The following QPCTL variants were observed in gnomAD, a reference collection of about 807,000 sequenced individuals.
QPCTL encodes the protein glutaminyl-peptide cyclotransferase like.
Under a neutral mutation model 34.6 loss-of-function variants are expected in QPCTL, and 31 were observed. That is an observed-to-expected ratio of 0.90 (90% CI 0.67 to 1.21). The LOEUF is 1.21. Among genes scored for constraint, QPCTL ranks in the 50% most tolerant of loss-of-function variants. The pLI is 0.00. For missense variants in QPCTL, 474 were observed against 507.8 expected, an observed-to-expected ratio of 0.93 and a Z score of 0.64; for synonymous variants, 223 against 226.9, an observed-to-expected ratio of 0.98 and a Z score of 0.15.
Position 45,701,921 on chromosome 19 carries a change from G to A in QPCTL, c.1003+7G>A, listed in dbSNP as rs1183250043. 7 of 1,601,186 alleles carry A rather than the reference G, an allele frequency of 4.4e-6. No individual in the cohort carries two copies. In the South Asian group the frequency reaches 5.5e-5, roughly 13 times the overall value. ...ATCCCCTTCCTCCGCAGAGGTACCA[G>A]CTGCAGGGAGGGATGGAGGGTGGGT... On this transcript the variant is annotated splice_region_variant and intron_variant, in intron 6 of 6. Transcript: ENST00000012049.
intron 1 of QPCTL, 136 bp from the exon 2 acceptor site, chr19:45,693,277 C>G: frequency 8.1e-7 from 1 of 1,232,694 alleles, no homozygotes; most frequent in Non-Finnish European, 1.1e-6. Context: ...TGGATTTATC[C>G]TAGAAGTCTC....
At chr19:45,700,830 G>T (rs1336229361) in intron 5 of QPCTL, among the ~76,000 whole-genome samples, 5 of 151,880 alleles carry the variant, frequency 3.3e-5, no homozygotes, top group Admixed American at 1.3e-4. Context: ...GTGGTGGTGG[G>T]CGCCTGTACT....
chr19:45,695,642 A>T lies in QPCTL; in HGVS notation c.557A>T (p.Asp186Val). 1 of 1,613,942 alleles carries T rather than the reference A, an allele frequency of 6.2e-7. No individual in the cohort carries two copies. ...TCGACCCCCTTTGTAGGGGCCACGG[A>T]TTCGGCTGTGCCCTGTGCCCTGCTG... Reference protein sequence around the residue: ...PGSTPFVGATDSAVPCALLLE... With the variant: ...PGSTPFVGATVSAVPCALLLE... The change falls in exon 3 of 7, where the codon GAT becomes GTT. Residue 186 changes from aspartate (D) to valine (V), a missense_variant. By Grantham distance (152) the Asp-to-Val change is radical. Coordinates refer to ENST00000012049, the MANE Select transcript of QPCTL (RefSeq NM_017659.4).
chr19:45,693,701 C>G, intron 2 of QPCTL, 145 bp downstream of exon 2: 2 of 1,209,646 alleles, frequency 1.7e-6, no homozygotes, highest in Non-Finnish European at 2.2e-6. Context: ...ATGCTGGTAA[C>G]AAACCACCAG....
intron 4 of QPCTL, 31 bp from the exon 5 acceptor site, chr19:45,698,770 G>A (rs377497455): frequency 6.2e-6 from 10 of 1,613,280 alleles, no homozygotes; most frequent in African/African-American, 4.0e-5. Flanking sequence ...CATCCTGCAC[G>A]GGCCCCTCCA....
rs746073023 is a variant in QPCTL at position 45,698,750 on chromosome 19, G to C, written c.786+51G>C. On this transcript the variant is annotated intron_variant, in intron 4 of 6. Coordinates refer to ENST00000012049, the MANE Select transcript of QPCTL (RefSeq NM_017659.4). ...GGCGAGGGAGGGAGCAGGTTAAGCA[G>C]GGCTGGCGTCATCCTGCACGGGCCC... 9 of 1,613,648 alleles carry C rather than the reference G, an allele frequency of 5.6e-6. 1 individual carries two copies. In the South Asian group the frequency reaches 8.8e-5, roughly 16 times the overall value.
intron 1 of QPCTL, 88 bp downstream of exon 1, chr19:45,692,998 C>T: frequency 7.4e-7 from 1 of 1,342,568 alleles, no homozygotes; most frequent in South Asian, 1.4e-5. Flanking sequence ...AGCGTACGGC[C>T]CTAACCGCAG....
intron 2 of QPCTL, among the ~76,000 whole-genome samples, chr19:45,694,022 A>G (rs1163248273): frequency 6.6e-5 from 10 of 152,140 alleles, no homozygotes; most frequent in African/African-American, 2.2e-4. Context: ...CCTAGAGTTG[A>G]ACCCAAACAG....
chr19:45,693,413 G>A lies in QPCTL; in HGVS notation c.208G>A (p.Val70Ile), dbSNP rs1306431024. 2 of 1,609,962 alleles carry A rather than the reference G, an allele frequency of 1.2e-6. No homozygotes were observed. Among genetic ancestry groups the A allele is most frequent in the Admixed American group, 3.4e-5 (2 of 59,696 alleles). The change falls in exon 2 of 7, where the codon GTC (valine) becomes ATC (isoleucine). Residue 70 changes from valine to isoleucine, a missense_variant and splice_region_variant. Coordinates refer to ENST00000012049, the MANE Select transcript of QPCTL (RefSeq NM_017659.4). ...EELPLGRELRVPLIGSLPEAR... is the reference protein window; with the variant it reads ...EELPLGRELRIPLIGSLPEAR... ...TTCCCTATCCCACCTCCTTCCCAAG[G>A]TCCCATTGATCGGAAGCCTCCCCGA...
intron 3 of QPCTL, among the ~76,000 whole-genome samples, chr19:45,696,755 A>G (rs988546834): frequency 2.6e-5 from 4 of 151,522 alleles, no homozygotes; most frequent in African/African-American, 9.7e-5. Context: ...AAAAAAGAAT[A>G]TGCTTTTCAT....
intron 2 of QPCTL, among the ~76,000 whole-genome samples, chr19:45,694,564 A>G (rs990184159): frequency 1.3e-5 from 2 of 151,666 alleles, no homozygotes; most frequent in African/African-American, 2.4e-5. Context: ...TCCACCTCCC[A>G]GGTTCAAGCA....
At position 45,699,864 on chromosome 19, in the gene QPCTL, G is replaced by A. The variant is rs567321462; in HGVS notation, c.886+964G>A. On this transcript the variant is annotated intron_variant, in intron 5 of 6. Coordinates refer to ENST00000012049, the MANE Select transcript of QPCTL (RefSeq NM_017659.4). ...GGAGAATGGCTTGAACCTGGGAGGC[G>A]GAGGTTGCAGTGAGCCGAGATCACG... Among the ~76,000 whole-genome samples, 78 of 150,684 alleles carry A rather than the reference G, an allele frequency of 5.2e-4. 1 individual carries two copies. Among genetic ancestry groups the A allele is most frequent in the South Asian group, 3.6e-3 (17 of 4,754 alleles).
intron 2 of QPCTL, among the ~76,000 whole-genome samples, chr19:45,694,309 G>A (rs762533700): frequency 1.3e-4 from 19 of 151,878 alleles, no homozygotes; most frequent in Non-Finnish European, 1.9e-4. Flanking sequence ...AACCCAGGAG[G>A]CGGAGACTGC....
chr19:45,694,678 C>G (rs935172208), intron 2 of QPCTL, among the ~76,000 whole-genome samples: 1 of 151,904 alleles, frequency 6.6e-6, no homozygotes, highest in Non-Finnish European at 1.5e-5. Flanking sequence ...ACCATATTGG[C>G]CAGGCTGGTC....
Position 45,695,654 on chromosome 19 carries a change from C to T in QPCTL, c.569C>T (p.Pro190Leu). 6.2e-7 allele frequency: 1 copy of T among 1,613,862 alleles called. No homozygotes were observed. Among genetic ancestry groups the T allele is most frequent in the East Asian group, 2.2e-5 (1 of 44,868 alleles). ...GTAGGGGCCACGGATTCGGCTGTGCCCTGTGCCCTGCTGCTGGAGCTGGCC... is the reference window on the plus strand; with the variant it reads ...GTAGGGGCCACGGATTCGGCTGTGCTCTGTGCCCTGCTGCTGGAGCTGGCC... ...PFVGATDSAVPCALLLELAQA... is the reference protein window; with the variant it reads ...PFVGATDSAVLCALLLELAQA... The change falls in exon 3 of 7, where the codon CCC becomes CTC. Residue 190 changes from proline (P) to leucine (L), a missense_variant. Transcript: ENST00000012049.
At position 45,698,906 on chromosome 19, in the gene QPCTL, G is replaced by C. The variant is rs775338081; in HGVS notation, c.886+6G>C. ...CCATCGGCTGAGGAGCATTGGTAAG[G>C]GTGAATGCGGAGGTGGGCCCCAGCC... On this transcript the variant is annotated splice_donor_region_variant and intron_variant, in intron 5 of 6. Coordinates refer to ENST00000012049, the MANE Select transcript of QPCTL (RefSeq NM_017659.4). 7 of 1,612,980 alleles carry C rather than the reference G, an allele frequency of 4.3e-6. No homozygotes were observed. The Middle Eastern group carries it at 5.0e-4, about 114-fold the overall frequency.
chr19:45,695,393 C>A, intron 2 of QPCTL, 44 bp from the exon 3 acceptor site: 3 of 1,557,116 alleles, frequency 1.9e-6, no homozygotes, highest in Non-Finnish European at 2.6e-6. Context: ...TCCCCACCTC[C>A]TCCCCAGTCC....
At chr19:45,696,820 C>T (rs1292505602) in intron 3 of QPCTL, among the ~76,000 whole-genome samples, 1 of 151,998 alleles carries the variant, frequency 6.6e-6, no homozygotes, top group African/African-American at 2.4e-5. Flanking sequence ...TCCAATGTCA[C>T]CCCTTCAAAG....
rs1301335223 is a variant in QPCTL at position 45,692,897 on chromosome 19, G to A, written c.194G>A (p.Gly65Asp). 1 of 1,541,276 alleles carries A rather than the reference G, an allele frequency of 6.5e-7. No individual in the cohort carries two copies. Among genetic ancestry groups the A allele is most frequent in the Non-Finnish European group, 8.7e-7 (1 of 1,145,802 alleles). Residue 65 changes from glycine (G) to aspartate (D), a missense_variant, in exon 1 of 7, where the codon GGC (glycine) becomes GAC (aspartate). Gly to Asp is a moderately conservative substitution (Grantham distance 94). Coordinates refer to ENST00000012049, the MANE Select transcript of QPCTL (RefSeq NM_017659.4). ...CGCAGGACTGAGGAGCTGCCGCTGG[G>A]CCGGGAGCTGCGGGTGAGGCTGGGC... is the stretch of plus-strand genomic sequence containing the variant. ...WHRRTEELPL[G>D]RELRVPLIGS...
Sources: allele counts gnomAD v4.1 joint callset (sites outside exome capture counted in the v4.1 genomes callset), GRCh38; gene constraint gnomAD v4.1.1; transcripts MANE v1.5; gene names NCBI Gene and HGNC (gene_info 2026-07-23, HGNC 2026-07-21).